Variants in VEGFC observed in about 807,000 individuals in gnomAD.
VEGFC encodes the protein vascular endothelial growth factor C.
VEGFC carries 12 observed loss-of-function variants against 46.1 expected under a neutral mutation model. That is an observed-to-expected ratio of 0.26 (90% CI 0.17 to 0.42). The LOEUF (loss-of-function observed/expected upper bound fraction) is 0.42. Among genes scored for constraint, VEGFC ranks in the 10% least tolerant of loss-of-function variants. The pLI, the probability that VEGFC is intolerant of heterozygous loss-of-function variation, is 1.00. For missense variants in VEGFC, 488 were observed against 529.4 expected (o/e 0.92, Z 0.77); for synonymous variants, 232 against 195.5 (o/e 1.19, Z -1.56).
intron 1 of VEGFC, among the ~76,000 whole-genome samples, chr4:176,787,129 A>T (rs1432921069): frequency 6.6e-6 from 1 of 152,200 alleles, no homozygotes; most frequent in Non-Finnish European, 1.5e-5. Flanking sequence ...GCCTTATGTC[A>T]GTTCAGATCA....
At chr4:176,781,168 T>C (rs1230554391) in intron 1 of VEGFC, among the ~76,000 whole-genome samples, 1 of 152,242 alleles carries the variant, frequency 6.6e-6, no homozygotes, top group African/African-American at 2.4e-5. Flanking sequence ...CTTAATAAAA[T>C]TCTAATTTGG....
At chr4:176,786,768 G>A (rs147569264) in intron 1 of VEGFC, among the ~76,000 whole-genome samples, 1 of 152,304 alleles carries the variant, frequency 6.6e-6, no homozygotes, top group East Asian at 1.9e-4. Flanking sequence ...GTAGATTAAA[G>A]AGCAAATAAA....
chr4:176,714,581 G>A (rs1734667653), intron 3 of VEGFC, among the ~76,000 whole-genome samples: 1 of 152,196 alleles, frequency 6.6e-6, no homozygotes, highest in African/African-American at 2.4e-5. Context: ...GATAGTGAAG[G>A]TAAGGCACTA....
intron 4 of VEGFC, among the ~76,000 whole-genome samples, chr4:176,703,422 G>C (rs778788453): frequency 2.2e-4 from 33 of 152,126 alleles, no homozygotes; most frequent in South Asian, 1.2e-3. Context: ...GAGCCAAAAA[G>C]TGAATCTCAC....
At chr4:176,688,446 G>A (rs1352211006) in intron 4 of VEGFC, among the ~76,000 whole-genome samples, 1 of 152,122 alleles carries the variant, frequency 6.6e-6, no homozygotes. Flanking sequence ...CTATGTAAAT[G>A]TATCTTTACT....
At chr4:176,691,344 A>G (rs1377543188) in intron 4 of VEGFC, among the ~76,000 whole-genome samples, 1 of 152,240 alleles carries the variant, frequency 6.6e-6, no homozygotes, top group Non-Finnish European at 1.5e-5. Context: ...TATTTATAAA[A>G]GACATTGATT....
intron 3 of VEGFC, among the ~76,000 whole-genome samples, chr4:176,723,654 CTTTTA>C (rs994350217): frequency 3.5e-5 from 5 of 142,166 alleles, no homozygotes; most frequent in African/African-American, 1.3e-4. Context: ...CATAGGTAAA[CTTTTA>C]TTTTAGGTTT....
intron 3 of VEGFC, 78 bp from the exon 4 acceptor site, chr4:176,711,728 A>G (rs1734623799): frequency 6.8e-7 from 1 of 1,460,500 alleles, no homozygotes; most frequent in Admixed American, 1.8e-5. Flanking sequence ...TGGAGTCCGA[A>G]AAAGAGTGAG....
At chr4:176,705,432 T>C (rs1304462196) in intron 4 of VEGFC, among the ~76,000 whole-genome samples, 1 of 152,222 alleles carries the variant, frequency 6.6e-6, no homozygotes, top group Non-Finnish European at 1.5e-5. Context: ...TTCCTCTGGC[T>C]TTTATGAAAC....
At position 176,687,911 on chromosome 4, in the gene VEGFC, T is replaced by C; in HGVS notation, c.721A>G (p.Lys241Glu). ...CACATGTAATTGGTGGGGCAGGTCT[T>C]GTTCGCTGCCTGACACCTTTGGAAG... ...ATLPQCQAAN[K>E]TCPTNYMWNN... Residue 241 changes from lysine to glutamate, a missense_variant, in exon 5 of 7, where the codon AAG becomes GAG. By Grantham distance (56) the Lys-to-Glu change is moderately conservative. Coordinates refer to ENST00000618562, the MANE Select transcript of VEGFC (RefSeq NM_005429.5). 6.2e-7 allele frequency: 1 copy of C among 1,612,640 alleles called. No individual in the cohort carries two copies. Among genetic ancestry groups the C allele is most frequent in the Non-Finnish European group, 8.5e-7 (1 of 1,179,198 alleles).
At position 176,692,191 on chromosome 4, in the gene VEGFC, G is replaced by A. The variant is rs1353256533; in HGVS notation, c.705-4264C>T. ...GGGCGGATCACGAGGTCAGGAGATC[G>A]AGACCATCCCGGCTAAAACGGTGAA... On this transcript the variant is annotated intron_variant, in intron 4 of 6. Coordinates refer to ENST00000618562, the MANE Select transcript of VEGFC (RefSeq NM_005429.5). 3.3e-5 allele frequency among the ~76,000 whole-genome samples: 5 copies of A among 150,400 alleles called. No individual in the cohort carries two copies. In the East Asian group the frequency reaches 9.8e-4, roughly 29 times the overall value.
intron 4 of VEGFC, among the ~76,000 whole-genome samples, chr4:176,708,364 TTTTA>T (rs1304945880): frequency 4.6e-5 from 7 of 152,162 alleles, no homozygotes; most frequent in African/African-American, 9.6e-5. Flanking sequence ...AACTTAAACA[TTTTA>T]TTTGTTATTT....
At chr4:176,762,319 C>T (rs2110912647) in intron 1 of VEGFC, among the ~76,000 whole-genome samples, 1 of 152,220 alleles carries the variant, frequency 6.6e-6, no homozygotes, top group South Asian at 2.1e-4. Flanking sequence ...GGTTTAATGC[C>T]TTTACAAAAG....
chr4:176,759,269 A>C (rs1482918274), intron 1 of VEGFC, among the ~76,000 whole-genome samples: 1 of 152,130 alleles, frequency 6.6e-6, no homozygotes, highest in African/African-American at 2.4e-5. Flanking sequence ...GGGGGAAAAA[A>C]GGTACTTTGT....
chr4:176,739,644 C>T (rs1735121740), intron 1 of VEGFC, among the ~76,000 whole-genome samples: 1 of 151,670 alleles, frequency 6.6e-6, no homozygotes. Flanking sequence ...TTAATGGATG[C>T]TGGGTTTAAT....
intron 2 of VEGFC, among the ~76,000 whole-genome samples, chr4:176,728,706 C>T (rs2111017370): frequency 6.6e-6 from 1 of 152,206 alleles, no homozygotes; most frequent in South Asian, 2.1e-4. Context: ...CCCATATTTC[C>T]CCTAAAATAG....
At chr4:176,712,300 G>T (rs1734633100) in intron 3 of VEGFC, among the ~76,000 whole-genome samples, 1 of 152,066 alleles carries the variant, frequency 6.6e-6, no homozygotes, top group South Asian at 2.1e-4. Context: ...AAAATAATGA[G>T]CTTAAAATAA....
intron 4 of VEGFC, among the ~76,000 whole-genome samples, chr4:176,693,668 A>G (rs1175823567): frequency 2.7e-5 from 4 of 146,980 alleles, no homozygotes; most frequent in Non-Finnish European, 5.9e-5. Flanking sequence ...TCCAAGACAC[A>G]TAACTGTCAG....
intron 1 of VEGFC, among the ~76,000 whole-genome samples, chr4:176,755,814 G>T (rs769358911): frequency 6.6e-6 from 1 of 151,938 alleles, no homozygotes; most frequent in Non-Finnish European, 1.5e-5. Context: ...CAGCCAGTCA[G>T]ATATTTTTAG....
Sources: allele counts gnomAD v4.1 joint callset (sites outside exome capture counted in the v4.1 genomes callset), GRCh38; gene constraint gnomAD v4.1.1; transcripts MANE v1.5; gene names NCBI Gene and HGNC (gene_info 2026-07-23, HGNC 2026-07-21).